PKD1: variants seen among roughly 807,000 people sequenced by gnomAD.
PKD1 encodes polycystin 1, transient receptor potential channel interacting.
In PKD1, 81 loss-of-function variants were observed where a neutral mutation model predicts 361.7. That is an observed-to-expected ratio of 0.22 (90% CI 0.19 to 0.27). PKD1 has a LOEUF of 0.27. Ranked by LOEUF, PKD1 falls within the 10% of genes least tolerant of loss-of-function variation. The pLI, the probability that PKD1 is intolerant of heterozygous loss-of-function variation, is 1.00. For missense variants in PKD1, 6,399 were observed against 6,118.3 expected (o/e 1.05, Z -1.53); for synonymous variants, 3,615 against 2,818.3 (o/e 1.28, Z -8.95).
In PKD1 at chr16:2,092,692, G is replaced by A. The variant is rs896716769; in HGVS notation, c.11157-100C>T. 2.0e-5 allele frequency: 18 copies of A among 915,370 alleles called. No individual in the cohort carries two copies. In the African/African-American group the frequency reaches 2.8e-4, roughly 14 times the overall value. 56.7% of individuals were successfully genotyped at this position (915,370 alleles called of 1,614,324 possible). ...CAGGGAACATGGCTCCCACTGCCCT[G>A]CTGGCCACGGCTAGACCTGGGCTTC... On this transcript the variant is annotated intron_variant, in intron 38 of 45. Transcript: ENST00000262304.
Position 2,113,205 on chromosome 16 carries a change from C to A in PKD1, c.2941G>T (p.Val981Phe). 1.3e-5 allele frequency: 18 copies of A among 1,346,436 alleles called. No homozygotes were observed. Among genetic ancestry groups the A allele is most frequent in the Non-Finnish European group, 1.8e-5 (17 of 954,344 alleles). The allele number at this position is 1,346,436 out of a possible 1,614,324, so 83.4% of individuals were successfully genotyped here. ...DKQSLTFQNV[V>F]FNVIYQSAAV... ...GCGCTCTGATAAATGACATTGAAGACCACGTTCTGGAAGGTCAGGGACTGC... is the reference window on the plus strand; with the variant it reads ...GCGCTCTGATAAATGACATTGAAGAACACGTTCTGGAAGGTCAGGGACTGC... The change falls in exon 12 of 46, where the codon GTC (valine) becomes TTC (phenylalanine). Residue 981 changes from valine (V) to phenylalanine (F), a missense_variant. By Grantham distance (50) the Val-to-Phe change is conservative (BLOSUM62 -1). Coordinates refer to ENST00000262304, the MANE Select transcript of PKD1 (RefSeq NM_001009944.3).
chr16:2,108,412 G>A lies in PKD1; in HGVS notation c.6755C>T (p.Ala2252Val), dbSNP rs1596550388. 18 of 1,610,554 alleles carry A rather than the reference G, an allele frequency of 1.1e-5. No homozygotes were observed. Among genetic ancestry groups the A allele is most frequent in the Non-Finnish European group, 1.4e-5 (17 of 1,179,718 alleles). ...TQSIQANVTVAPERLVPIIEG... is the reference protein window; with the variant it reads ...TQSIQANVTVVPERLVPIIEG... ...AATGATGGGCACCAGGCGCTCGGGG[G>A]CCACCGTCACATTGGCCTGGATGCT... Residue 2252 changes from alanine to valine, a missense_variant, in exon 15 of 46, where the codon GCC (alanine) becomes GTC (valine). Ala to Val is a moderately conservative substitution (Grantham distance 64). Coordinates refer to ENST00000262304, the MANE Select transcript of PKD1 (RefSeq NM_001009944.3).
At chr16:2,125,682 G>A (rs2092788859) in intron 1 of PKD1, among the ~76,000 whole-genome samples, 2 of 151,992 alleles carry the variant, frequency 1.3e-5, no homozygotes, top group East Asian at 1.9e-4. Flanking sequence ...TGGGGTGTAG[G>A]AAGGAGAGCG....
chr16:2,124,414 T>A (rs1304060711), intron 1 of PKD1, among the ~76,000 whole-genome samples: 3 of 152,178 alleles, frequency 2.0e-5, no homozygotes, highest in Non-Finnish European at 4.4e-5. Context: ...CGAGGGTGGG[T>A]GAAGCCTGAG....
chr16:2,097,805 T>C, intron 31 of PKD1, 25 bp from the exon 32 acceptor site: 2 of 1,611,246 alleles, frequency 1.2e-6, no homozygotes, highest in Non-Finnish European at 1.7e-6. Context: ...GTGTCTTGAG[T>C]CCAAGCTGCG....
At position 2,090,160 on chromosome 16, in the gene PKD1, G is replaced by A. The variant is rs780598231; in HGVS notation, c.12479C>T (p.Pro4160Leu). The A allele has an allele frequency of 3.2e-5, 51 of 1,597,116 alleles. No individual in the cohort carries two copies. The highest frequency in any genetic ancestry group is 6.7e-5 in the South Asian group (6 of 89,690). Reference sequence around the variant, plus strand: ...GCCCCTGGAGGAGCGAGAGGGCAGCGGCTCCATCCCTTCAAAGCGGACTTT... The same window carrying A: ...GCCCCTGGAGGAGCGAGAGGGCAGCAGCTCCATCCCTTCAAAGCGGACTTT... ...RHKVRFEGME[P>L]LPSRSSRGSK... is the part of the protein sequence containing the mutation. Residue 4160 changes from proline to leucine, a missense_variant, in exon 46 of 46, where the codon CCG becomes CTG. Physicochemically the swap from Pro to Leu is moderately conservative, Grantham distance 98 (BLOSUM62 -3). Coordinates refer to ENST00000262304, the MANE Select transcript of PKD1 (RefSeq NM_001009944.3).
Position 2,089,717 on chromosome 16 carries a change from G to A in PKD1, c.*10C>T, listed in dbSNP as rs764028522. ...CCGACTCCACGGCCCACCCCCGCCA[G>A]GAAGGAGGACTAAGTGCTGCTGGGG... On this transcript the variant is annotated 3_prime_UTR_variant, in exon 46 of 46. Coordinates refer to ENST00000262304, the MANE Select transcript of PKD1 (RefSeq NM_001009944.3). 24 of 1,573,260 alleles carry A rather than the reference G, an allele frequency of 1.5e-5. No homozygotes were observed. The highest frequency in any genetic ancestry group is 5.7e-5 in the Admixed American group (3 of 53,058).
At position 2,101,509 on chromosome 16, in the gene PKD1, C is replaced by G. The variant is rs570166879; in HGVS notation, c.9397+552G>C. Among the ~76,000 whole-genome samples the G allele has an allele frequency of 1.2e-4, 19 of 152,224 alleles. 1 individual carries two copies. In the South Asian group the frequency reaches 3.9e-3, roughly 32 times the overall value. ...GTGTGCACCTGTACTCCCAGCTACT[C>G]AGGAGAATCGCTTAAGGGGAATGGC... On this transcript the variant is annotated intron_variant, in intron 26 of 45. Transcript: ENST00000262304.
In PKD1 at chr16:2,119,101, A is replaced by G. The variant is rs1389859243; in HGVS notation, c.359+13T>C. ...GGTCCAGCCAGGACCCCACCCAAAG[A>G]ACCACAACTTACATTTCACTTAAAT... On this transcript the variant is annotated intron_variant, in intron 3 of 45. Coordinates refer to ENST00000262304, the MANE Select transcript of PKD1 (RefSeq NM_001009944.3). 3 of 1,182,516 alleles carry G rather than the reference A, an allele frequency of 2.5e-6. No homozygotes were observed. The highest frequency in any genetic ancestry group is 2.5e-5 in the South Asian group (2 of 79,706). 73.3% of individuals were successfully genotyped at this position (1,182,516 alleles called of 1,614,324 possible). A position where few individuals can be genotyped will look rare whatever the true frequency, so the allele number is the denominator to read the frequency against.
Position 2,090,568 on chromosome 16 carries a change from G to T in PKD1, c.12161C>A (p.Ser4054Tyr), listed in dbSNP as rs767346332. The change falls in exon 45 of 46, where the codon TCC (serine) becomes TAC (tyrosine). Residue 4054 changes from serine (S) to tyrosine (Y), a missense_variant. Physicochemically the swap from Ser to Tyr is moderately radical, Grantham distance 144. Transcript: ENST00000262304. ...AILLVSSCVDSLWSVAQALLV... is the reference protein window; with the variant it reads ...AILLVSSCVDYLWSVAQALLV... ...CAGGGCCTGGGCCACGCTCCAGAGG[G>T]AGTCCACACAGGAAGACACGAGCTG... 1 of 1,609,094 alleles carries T rather than the reference G, an allele frequency of 6.2e-7. No homozygotes were observed. Among genetic ancestry groups the T allele is most frequent in the South Asian group, 1.1e-5 (1 of 91,012 alleles).
chr16:2,123,619 C>CTT (rs2092755897), intron 1 of PKD1: 1 of 437,058 alleles, frequency 2.3e-6, no homozygotes, highest in African/African-American at 2.0e-5. Flanking sequence ...TCGCCGCTGT[C>CTT]TGATGCCCTG....
At chr16:2,130,215 G>A (rs1357618792) in intron 1 of PKD1, among the ~76,000 whole-genome samples, 1 of 152,190 alleles carries the variant, frequency 6.6e-6, no homozygotes, top group Non-Finnish European at 1.5e-5. Flanking sequence ...CCCCGGGTGA[G>A]GCCAGCTGGA....
Position 2,116,826 on chromosome 16 carries a change from C to G in PKD1, c.1606+7G>C. 1 of 1,512,696 alleles carries G rather than the reference C, an allele frequency of 6.6e-7. No homozygotes were observed. Among genetic ancestry groups the G allele is most frequent in the Non-Finnish European group, 8.9e-7 (1 of 1,127,434 alleles). The allele number at this position is 1,512,696 out of a possible 1,614,324, so 93.7% of individuals were successfully genotyped here. On this transcript the variant is annotated splice_region_variant and intron_variant, in intron 7 of 45. Coordinates refer to ENST00000262304, the MANE Select transcript of PKD1 (RefSeq NM_001009944.3). Reference sequence around the variant, plus strand: ...CGTCTCAGGCCCCTGCCTGGCCCCCCGCACACCTCCGGGCTGCAGCTCGCA... The same window carrying G: ...CGTCTCAGGCCCCTGCCTGGCCCCCGGCACACCTCCGGGCTGCAGCTCGCA...
chr16:2,106,262 G>A lies in PKD1; in HGVS notation c.7532C>T (p.Ala2511Val), dbSNP rs1028394496. 1 of 1,610,210 alleles carries A rather than the reference G, an allele frequency of 6.2e-7. No homozygotes were observed. Among genetic ancestry groups the A allele is most frequent in the South Asian group, 1.1e-5 (1 of 90,974 alleles). Residue 2511 changes from alanine to valine, a missense_variant, in exon 19 of 46, where the codon GCC (alanine) becomes GTC (valine). Ala to Val is a moderately conservative substitution (Grantham distance 64, BLOSUM62 0). Transcript: ENST00000262304. The surrounding 1 kb of genome is among the most constrained non-coding windows in gnomAD (Gnocchi z 6.5). ...AEDAGAPLVY[A>V]LLLRRCRQGH... ...CTGGCGACAGCGCCGCAGCAGCAGG[G>A]CGTACACCAGCGGGGCGCCAGCATC... is the stretch of plus-strand genomic sequence containing the variant.
chr16:2,096,407 G>A (rs920606710), intron 34 of PKD1, among the ~76,000 whole-genome samples: 1 of 152,276 alleles, frequency 6.6e-6, no homozygotes, highest in Admixed American at 6.5e-5. Context: ...ACACGCCGTG[G>A]GTGCGCTCCG....
intron 1 of PKD1, among the ~76,000 whole-genome samples, chr16:2,122,714 T>TGCG (rs936468377): frequency 2.4e-3 from 360 of 152,288 alleles, no homozygotes; most frequent in African/African-American, 8.2e-3. Flanking sequence ...TTCCAGCGGC[T>TGCG]GCGGCGGCAG....
Position 2,108,337 on chromosome 16 carries a change from T to A in PKD1, c.6830A>T (p.Asp2277Val), listed in dbSNP as rs1204408850. Reference sequence around the variant, plus strand: ...GTTGGGGTCGTAGGACTCGCTCCCATCCAGCACCAGGTCCCGTGTGTCTGA... The same window carrying A: ...GTTGGGGTCGTAGGACTCGCTCCCAACCAGCACCAGGTCCCGTGTGTCTGA... ...VWSDTRDLVL[D>V]GSESYDPNLE... The change falls in exon 15 of 46, where the codon GAT becomes GTT. Residue 2277 changes from aspartate (D) to valine (V), a missense_variant. Transcript: ENST00000262304. The A allele has an allele frequency of 6.2e-7, 1 of 1,607,928 alleles. No individual in the cohort carries two copies. Among genetic ancestry groups the A allele is most frequent in the African/African-American group, 1.3e-5 (1 of 74,824 alleles).
rs1212003651 is a variant in PKD1 at position 2,102,474 on chromosome 16, G to A, written c.9108C>T (p.Thr3036=). The A allele has an allele frequency of 6.4e-7, 1 of 1,562,174 alleles. No homozygotes were observed. The highest frequency in any genetic ancestry group is 8.7e-7 in the Non-Finnish European group (1 of 1,155,008). The change falls in exon 25 of 46, where the codon ACC becomes ACT. Residue 3036 remains threonine (T), a synonymous_variant. Coordinates refer to ENST00000262304, the MANE Select transcript of PKD1 (RefSeq NM_001009944.3). The part of the protein sequence containing the change: ...RTEGLLPLEE[T]SPRQAVCLTR... ...TGAGGCAGACGGCCTGGCGGGGCGA[G>A]GTCTCCTCCAGGGGCAGCAGCCCCT... is the stretch of plus-strand genomic sequence containing the variant.
At chr16:2,119,285 G>A (rs1753965472) in intron 2 of PKD1, 22 bp downstream of exon 2, 2 of 1,083,008 alleles carry the variant, frequency 1.8e-6, no homozygotes, top group Non-Finnish European at 2.7e-6. Flanking sequence ...CCCGCATGCT[G>A]GCACGACTGG....
Sources: gnomAD v4.1 joint callset for allele counts (sites outside exome capture counted in the v4.1 genomes callset) on GRCh38, gnomAD v4.1.1 for gene constraint, Gnocchi (gnomAD v3.1) non-coding constraint, MANE v1.5 for transcripts, NCBI Gene and HGNC (gene_info 2026-07-23, HGNC 2026-07-21) for gene names.